The following LMCD1 variants were observed in gnomAD, a reference collection of about 807,000 sequenced individuals.
LMCD1 encodes the protein LIM and cysteine-rich domains protein 1.
Under a neutral mutation model 42.7 loss-of-function variants are expected in LMCD1, and 32 were observed. The ratio of observed to expected loss-of-function variants is 0.75; its 90% CI spans 0.57 to 1.01. LMCD1 has a LOEUF of 1.01. LMCD1 is among the 50% of genes least tolerant of loss of function. The pLI is 0.00. For missense variants in LMCD1, 458 were observed against 483.1 expected (o/e 0.95, Z 0.49); for synonymous variants, 178 against 184.9 (o/e 0.96, Z 0.30).
At chr3:8,521,778 T>C (rs1489520069) in intron 1 of LMCD1, among the ~76,000 whole-genome samples, 2 of 152,144 alleles carry the variant, frequency 1.3e-5, no homozygotes, top group Non-Finnish European at 2.9e-5. Flanking sequence ...GATACTGTGA[T>C]GATAGGTAGA....
intron 4 of LMCD1, among the ~76,000 whole-genome samples, chr3:8,565,157 G>A (rs1369640646): frequency 6.6e-6 from 1 of 152,110 alleles, no homozygotes; most frequent in Non-Finnish European, 1.5e-5. Flanking sequence ...CTCTGTAGGG[G>A]TCTTGATAAT....
intron 1 of LMCD1, 67 bp downstream of exon 1, chr3:8,502,047 G>T (rs1186773287): frequency 1.4e-6 from 2 of 1,470,374 alleles, no homozygotes; most frequent in Non-Finnish European, 1.9e-6. Flanking sequence ...CCATCTGTTC[G>T]CGGAAACTTC....
At chr3:8,526,165 C>A (rs1694295691) in intron 1 of LMCD1, among the ~76,000 whole-genome samples, 1 of 152,192 alleles carries the variant, frequency 6.6e-6, no homozygotes, top group South Asian at 2.1e-4. Flanking sequence ...CAGGCAAAAT[C>A]CCCTGCTAAA....
At chr3:8,502,323 ATATATAATATATAT>A (rs1559342148) in intron 1 of LMCD1, among the ~76,000 whole-genome samples, 101 of 65,926 alleles carry the variant, frequency 1.5e-3, no homozygotes, top group African/African-American at 2.8e-3. Context: ...AATATATATT[ATATATAATATATAT>A]TATATATAAA....
intron 3 of LMCD1, among the ~76,000 whole-genome samples, chr3:8,543,397 T>TGATA (rs57434919): frequency 0.19 from 17,710 of 92,592 alleles, 1,190 homozygotes; most frequent in East Asian, 0.22. Flanking sequence ...GATAGATAGA[T>TGATA]GATAGATAGA....
chr3:8,551,231 A>C (rs149327390), intron 4 of LMCD1: 1 of 984,404 alleles, frequency 1.0e-6, no homozygotes, highest in Admixed American at 6.1e-5. Context: ...CTTTATTTGC[A>C]TTGATATACA....
chr3:8,506,756 G>A (rs142361875), intron 1 of LMCD1, among the ~76,000 whole-genome samples: 170 of 152,272 alleles, frequency 1.1e-3, no homozygotes, highest in African/African-American at 3.8e-3. Context: ...TGGCAGGGGC[G>A]TGAGTCATTA....
chr3:8,555,913 T>A (rs565854817), intron 4 of LMCD1, among the ~76,000 whole-genome samples: 62 of 152,258 alleles, frequency 4.1e-4, no homozygotes, highest in Middle Eastern at 3.4e-3. Context: ...CAGATGACCC[T>A]GGCTGTGTTC....
In LMCD1 at chr3:8,567,473, GATCTGGCC is replaced by G. The variant is rs757125240; in HGVS notation, c.974_981del (p.Asp325ValfsTer9). On this transcript the variant is annotated frameshift_variant, in exon 6 of 6. Coordinates refer to ENST00000157600, the MANE Select transcript of LMCD1 (RefSeq NM_014583.4). LOFTEE classifies it high-confidence loss of function. Reference sequence around the variant, plus strand: ...CGCTGAGGACTACCAGCGTGTGGAAGATCTGGCCTGGCACCGAAAGCACTTTGTCTGTG... The same window carrying G: ...CGCTGAGGACTACCAGCGTGTGGAAGTGGCACCGAAAGCACTTTGTCTGTG... 6.2e-7 allele frequency: 1 copy of G among 1,614,070 alleles called. No individual in the cohort carries two copies. The highest frequency in any genetic ancestry group is 1.7e-5 in the Admixed American group (1 of 60,020).
At position 8,573,043 on chromosome 3, in the gene LMCD1, G is replaced by C. The variant is rs1297499278; in HGVS notation, c.*5445G>C. ...GAGACAGTGAACTAACCTCTGGACT[G>C]CTTGCTACATGAGACAATTGATTTT... On this transcript the variant is annotated 3_prime_UTR_variant, in exon 6 of 6. Coordinates refer to ENST00000157600, the MANE Select transcript of LMCD1 (RefSeq NM_014583.4). The C allele has an allele frequency of 6.6e-6, 1 of 152,206 alleles. No homozygotes were observed. The highest frequency in any genetic ancestry group is 1.5e-5 in the Non-Finnish European group (1 of 68,042). The allele number at this position is 152,206 out of a possible 1,614,324, so 9.4% of individuals were successfully genotyped here. A position where few individuals can be genotyped will look rare whatever the true frequency, so the allele number is the denominator to read the frequency against.
At chr3:8,508,108 C>T (rs1693919149) in intron 1 of LMCD1, among the ~76,000 whole-genome samples, 2 of 152,168 alleles carry the variant, frequency 1.3e-5, no homozygotes, top group South Asian at 4.1e-4. Flanking sequence ...GGCTAATGGA[C>T]ATCTCCCGGC....
At chr3:8,556,420 G>A (rs1254942571) in intron 4 of LMCD1, among the ~76,000 whole-genome samples, 1 of 151,868 alleles carries the variant, frequency 6.6e-6, no homozygotes, top group Non-Finnish European at 1.5e-5. Flanking sequence ...GTGTGTATGT[G>A]TGTGTGTGTT....
intron 1 of LMCD1, among the ~76,000 whole-genome samples, chr3:8,513,368 C>T (rs1694037730): frequency 6.6e-6 from 1 of 152,138 alleles, no homozygotes; most frequent in Non-Finnish European, 1.5e-5. Context: ...GTTACTTGTG[C>T]CAGCTCCTCC....
At chr3:8,551,652 A>T (rs1035986638) in intron 4 of LMCD1, among the ~76,000 whole-genome samples, 2 of 151,990 alleles carry the variant, frequency 1.3e-5, no homozygotes, top group African/African-American at 4.8e-5. Context: ...GAAGCAGGGG[A>T]GGTAATCCTG....
In LMCD1 at chr3:8,565,290, A is replaced by G. The variant is rs1051901393; in HGVS notation, c.724-142A>G. On this transcript the variant is annotated intron_variant, in intron 4 of 5. Transcript: ENST00000157600. ...GCAATATTATTGTGTCGCTTTGCAGATGACAAAACTGAGGCACGAAGAGGT... is the reference window on the plus strand; with the variant it reads ...GCAATATTATTGTGTCGCTTTGCAGGTGACAAAACTGAGGCACGAAGAGGT... 5 of 691,328 alleles carry G rather than the reference A, an allele frequency of 7.2e-6. No homozygotes were observed. The Admixed American group carries it at 1.1e-4, about 15-fold the overall frequency. 42.8% of individuals were successfully genotyped at this position (691,328 alleles called of 1,614,324 possible). A position where few individuals can be genotyped will look rare whatever the true frequency, so the allele number is the denominator to read the frequency against.
At position 8,548,977 on chromosome 3, in the gene LMCD1, G is replaced by A. The variant is rs151305998; in HGVS notation, c.723+74G>A. 4,225 of 1,134,492 alleles carry A rather than the reference G, an allele frequency of 3.7e-3. 9 individuals carry two copies. Among genetic ancestry groups the A allele is most frequent in the Middle Eastern group, 6.9e-3 (28 of 4,042 alleles). The allele number at this position is 1,134,492 out of a possible 1,614,324, so 70.3% of individuals were successfully genotyped here. On this transcript the variant is annotated intron_variant, in intron 4 of 5. Coordinates refer to ENST00000157600, the MANE Select transcript of LMCD1 (RefSeq NM_014583.4). Reference sequence around the variant, plus strand: ...GGCTGGACAGTCAGGGCCCCATCACGGGGCTTTGTTCCCTCATTCATGCAT... The same window carrying A: ...GGCTGGACAGTCAGGGCCCCATCACAGGGCTTTGTTCCCTCATTCATGCAT...
At chr3:8,566,966 C>T (rs1695141558) in intron 5 of LMCD1, among the ~76,000 whole-genome samples, 2 of 152,168 alleles carry the variant, frequency 1.3e-5, no homozygotes, top group South Asian at 2.1e-4. Context: ...TACTAGAAGG[C>T]CCATTAAACA....
chr3:8,541,687 A>AC (rs1247925559), intron 3 of LMCD1, among the ~76,000 whole-genome samples: 1 of 152,230 alleles, frequency 6.6e-6, no homozygotes, highest in Non-Finnish European at 1.5e-5. Context: ...CAGGTATGAG[A>AC]CGTAGATAAC....
chr3:8,535,460 C>T (rs1294575204), intron 2 of LMCD1, among the ~76,000 whole-genome samples: 1 of 152,188 alleles, frequency 6.6e-6, no homozygotes, highest in Non-Finnish European at 1.5e-5. Flanking sequence ...TGAATGTGAA[C>T]TTGTACTGCA....
Sources: gnomAD v4.1 joint callset for allele counts (sites outside exome capture counted in the v4.1 genomes callset) on GRCh38, gnomAD v4.1.1 for gene constraint, MANE v1.5 for transcripts, NCBI Gene and HGNC (gene_info 2026-07-23, HGNC 2026-07-21) for gene names.